The following OPCML variants were observed in gnomAD, a reference collection of about 807,000 sequenced individuals.
OPCML encodes opioid binding protein/cell adhesion molecule like.
In OPCML, 13 loss-of-function variants were observed where a neutral mutation model predicts 37.8. The observed-to-expected ratio is 0.34, with a 90% CI of 0.22 to 0.55. The LOEUF is 0.55. OPCML is among the 20% of genes least tolerant of loss of function. The probability of loss-of-function intolerance (pLI) is 0.91; values close to 1 mark genes in which losing one functional copy is unlikely to be tolerated. For missense variants in OPCML, 341 were observed against 435.6 expected (o/e 0.78, Z 1.93); for synonymous variants, 176 against 168.8 (o/e 1.04, Z -0.33).
intron 3 of OPCML, among the ~76,000 whole-genome samples, chr11:132,610,003 C>A (rs1441742775): frequency 6.8e-6 from 1 of 146,860 alleles, no homozygotes; most frequent in Admixed American, 6.8e-5. Flanking sequence ...CACACAAATA[C>A]TTTTTCTCCT....
intron 4 of OPCML, among the ~76,000 whole-genome samples, chr11:132,476,841 A>G (rs2096157926): frequency 6.6e-6 from 1 of 152,244 alleles, no homozygotes; most frequent in East Asian, 1.9e-4. Flanking sequence ...AAAGTATAAT[A>G]ATAAAAAAAT....
chr11:132,802,668 A>G (rs1317769770), intron 2 of OPCML, among the ~76,000 whole-genome samples: 2 of 152,150 alleles, frequency 1.3e-5, no homozygotes, highest in African/African-American at 4.8e-5. Context: ...GGACGACTCT[A>G]GGCATTAGAT....
chr11:132,984,708 T>G (rs916271386), intron 1 of OPCML, among the ~76,000 whole-genome samples: 2 of 152,170 alleles, frequency 1.3e-5, no homozygotes, highest in Non-Finnish European at 2.9e-5. Context: ...GACTGCTGAT[T>G]GGACCCCAGA....
intron 2 of OPCML, among the ~76,000 whole-genome samples, chr11:132,722,155 C>T (rs991687413): frequency 6.6e-6 from 1 of 151,492 alleles, no homozygotes; most frequent in Non-Finnish European, 1.5e-5. Flanking sequence ...TGGGGTTTCA[C>T]AGTGTTAGCC....
At chr11:133,435,264 A>G (rs1946209298) in intron 1 of OPCML, among the ~76,000 whole-genome samples, 1 of 152,156 alleles carries the variant, frequency 6.6e-6, no homozygotes, top group Non-Finnish European at 1.5e-5. Flanking sequence ...AATGTCAAGG[A>G]TTTTATGAAT....
At chr11:132,552,982 T>C (rs2137441782) in intron 3 of OPCML, among the ~76,000 whole-genome samples, 1 of 152,074 alleles carries the variant, frequency 6.6e-6, no homozygotes, top group Admixed American at 6.5e-5. Flanking sequence ...GCCAGGATGG[T>C]CTCAATCTCC....
intron 3 of OPCML, among the ~76,000 whole-genome samples, chr11:132,578,950 A>G (rs56775641): frequency 0.088 from 13,434 of 151,914 alleles, 1,245 homozygotes; most frequent in African/African-American, 0.22. Context: ...CAAGCCTCCC[A>G]CACCTGCCCC....
At chr11:132,502,635 A>T (rs1204038595) in intron 4 of OPCML, among the ~76,000 whole-genome samples, 1 of 152,212 alleles carries the variant, frequency 6.6e-6, no homozygotes, top group Non-Finnish European at 1.5e-5. Flanking sequence ...TTTTAATTAG[A>T]TATCCATGCC....
intron 2 of OPCML, among the ~76,000 whole-genome samples, chr11:132,793,252 C>T (rs4073731): frequency 0.21 from 31,491 of 152,094 alleles, 4,074 homozygotes; most frequent in East Asian, 0.66. Flanking sequence ...CATGGGACGA[C>T]CACCGCCTTA....
chr11:132,954,429 AC>A (rs66717902), intron 1 of OPCML, among the ~76,000 whole-genome samples: 76,679 of 151,640 alleles, frequency 0.51, 19,597 homozygotes, highest in East Asian at 0.72. Context: ...TTTTAAGTGA[AC>A]TTTTTTAAAG....
intron 3 of OPCML, among the ~76,000 whole-genome samples, chr11:132,615,193 AC>A (rs2137875144): frequency 6.6e-6 from 1 of 152,352 alleles, no homozygotes; most frequent in Admixed American, 6.5e-5. Context: ...GAGTAAGAGG[AC>A]TACTGGTTAT....
chr11:132,532,257 T>A (rs4564349), intron 3 of OPCML, among the ~76,000 whole-genome samples: 91,361 of 151,494 alleles, frequency 0.6, 30,012 homozygotes, highest in African/African-American at 0.86. Flanking sequence ...GTTGTCTGCT[T>A]TCCTCTGTAG....
chr11:133,343,896 A>T (rs942057451), intron 1 of OPCML, among the ~76,000 whole-genome samples: 3 of 152,144 alleles, frequency 2.0e-5, no homozygotes, highest in African/African-American at 7.2e-5. Flanking sequence ...ATTTTACTTT[A>T]AAAAAAGCGC....
intron 2 of OPCML, among the ~76,000 whole-genome samples, chr11:132,737,737 G>T (rs986559392): frequency 3.3e-5 from 5 of 152,090 alleles, no homozygotes; most frequent in Non-Finnish European, 5.9e-5. Flanking sequence ...GGTCAAAAAG[G>T]CCCTTGGACA....
intron 3 of OPCML, among the ~76,000 whole-genome samples, chr11:132,647,002 A>C (rs1411013762): frequency 6.6e-6 from 1 of 152,236 alleles, no homozygotes; most frequent in Non-Finnish European, 1.5e-5. Flanking sequence ...CCCTGACTCC[A>C]CAGAGATTAG....
Position 133,017,579 on chromosome 11 carries a change from G to C in OPCML, c.62-74569C>G, listed in dbSNP as rs570581818. Reference sequence around the variant, plus strand: ...TAATTTTGTATTTTTAGTAGAGACAGGGTTTCTCCATGTGGGTCAGGCTGG... The same window carrying C: ...TAATTTTGTATTTTTAGTAGAGACACGGTTTCTCCATGTGGGTCAGGCTGG... On this transcript the variant is annotated intron_variant, in intron 1 of 7. Coordinates refer to ENST00000524381, the MANE Select transcript of OPCML (RefSeq NM_001012393.5). 1.1e-4 allele frequency among the ~76,000 whole-genome samples: 16 copies of C among 152,192 alleles called. No homozygotes were observed. In the South Asian group the frequency reaches 3.3e-3, roughly 32 times the overall value.
intron 4 of OPCML, among the ~76,000 whole-genome samples, chr11:132,480,961 A>C (rs1302583326): frequency 2.0e-5 from 3 of 152,154 alleles, no homozygotes; most frequent in African/African-American, 7.2e-5. Context: ...ACTGCATGAA[A>C]TAATGAGCAA....
chr11:133,206,024 A>G lies in OPCML; in HGVS notation c.62-263014T>C, dbSNP rs977869620. 6.6e-6 allele frequency among the ~76,000 whole-genome samples: 1 copy of G among 152,202 alleles called. No individual in the cohort carries two copies. Among genetic ancestry groups the G allele is most frequent in the African/African-American group, 2.4e-5 (1 of 41,448 alleles). ...AGATGCTACTACTGCCGTGAGGAAT[A>G]CAAGAGCTAATGTACATACATGATG... On this transcript the variant is annotated intron_variant, in intron 1 of 7. Coordinates refer to ENST00000524381, the MANE Select transcript of OPCML (RefSeq NM_001012393.5). This position sits in a 1 kb window ranked among gnomAD's most constrained non-coding sequence, Gnocchi z 4.7.
chr11:133,371,073 T>C (rs1944663954), intron 1 of OPCML, among the ~76,000 whole-genome samples: 1 of 152,142 alleles, frequency 6.6e-6, no homozygotes, highest in Admixed American at 6.5e-5. Context: ...GAAAAAATGC[T>C]CAACATCATT....
Sources: allele counts gnomAD v4.1 joint callset (sites outside exome capture counted in the v4.1 genomes callset), GRCh38; gene constraint gnomAD v4.1.1; non-coding constraint Gnocchi (gnomAD v3.1); transcripts MANE v1.5; gene names NCBI Gene and HGNC (gene_info 2026-07-23, HGNC 2026-07-21).